Variants in CNOT6 observed in about 807,000 individuals in gnomAD.
The protein encoded by CNOT6 is CCR4-NOT transcription complex subunit 6.
Under a neutral mutation model 61.2 loss-of-function variants are expected in CNOT6, and 12 were observed. The observed-to-expected ratio is 0.20, with a 90% CI of 0.13 to 0.32. CNOT6 has a LOEUF of 0.32. Among genes scored for constraint, CNOT6 ranks in the 10% least tolerant of loss-of-function variants. The probability of loss-of-function intolerance (pLI) is 1.00; values close to 1 mark genes in which losing one functional copy is unlikely to be tolerated. For missense variants in CNOT6, 405 were observed against 663.9 expected, an observed-to-expected ratio of 0.61 and a Z score of 4.28; for synonymous variants, 225 against 240.6, an observed-to-expected ratio of 0.94 and a Z score of 0.60.
intron 1 of CNOT6, among the ~76,000 whole-genome samples, chr5:180,516,783 T>C (rs1757656278): frequency 6.6e-6 from 1 of 152,232 alleles, no homozygotes; most frequent in Admixed American, 6.5e-5. Context: ...TCTCTTCAAA[T>C]CTAGAATAGT....
At chr5:180,522,292 T>A (rs1242335374) in intron 1 of CNOT6, among the ~76,000 whole-genome samples, 1 of 152,056 alleles carries the variant, frequency 6.6e-6, no homozygotes, top group Non-Finnish European at 1.5e-5. Context: ...TGTATTTTTT[T>A]TTTGTAGAGA....
intron 9 of CNOT6, among the ~76,000 whole-genome samples, chr5:180,568,808 C>T (rs1010016780): frequency 1.3e-5 from 2 of 152,032 alleles, no homozygotes; most frequent in Non-Finnish European, 2.9e-5. Flanking sequence ...TTGTGAGGCT[C>T]GATTTAGGAC....
intron 1 of CNOT6, among the ~76,000 whole-genome samples, chr5:180,507,592 G>C (rs1581471481): frequency 6.7e-6 from 1 of 148,672 alleles, no homozygotes; most frequent in South Asian, 2.2e-4. Flanking sequence ...ACAAGAGCGA[G>C]ACTCCGTTTT....
At chr5:180,572,357 T>C (rs781590211) in intron 11 of CNOT6, among the ~76,000 whole-genome samples, 33 of 151,722 alleles carry the variant, frequency 2.2e-4, no homozygotes, top group Non-Finnish European at 4.3e-4. Context: ...ACCTGGCTAA[T>C]TTTTGTATCT....
intron 2 of CNOT6, among the ~76,000 whole-genome samples, chr5:180,539,790 C>T (rs888348489): frequency 1.3e-5 from 2 of 151,732 alleles, no homozygotes; most frequent in African/African-American, 4.8e-5. Flanking sequence ...AGGGCTTCAC[C>T]GTGTTAGCCA....
intron 2 of CNOT6, among the ~76,000 whole-genome samples, chr5:180,540,207 C>G (rs1386361210): frequency 6.6e-6 from 1 of 152,166 alleles, no homozygotes; most frequent in East Asian, 1.9e-4. Flanking sequence ...ACACCCTGTA[C>G]TCACTTGTCA....
At chr5:180,547,977 G>C (rs1759401046) in intron 2 of CNOT6, among the ~76,000 whole-genome samples, 1 of 152,102 alleles carries the variant, frequency 6.6e-6, no homozygotes, top group Admixed American at 6.5e-5. Flanking sequence ...CAGGTGATCT[G>C]CCCGCCTCAG....
chr5:180,509,500 A>G (rs1052242281), intron 1 of CNOT6, among the ~76,000 whole-genome samples: 9 of 151,250 alleles, frequency 6.0e-5, no homozygotes, highest in Non-Finnish European at 1.0e-4. Flanking sequence ...CTAGAGTGCA[A>G]TGGCGGATTC....
At chr5:180,571,531 T>C (rs1217697340) in intron 11 of CNOT6, 99 bp downstream of exon 11, 1 of 853,820 alleles carries the variant, frequency 1.2e-6, no homozygotes, top group East Asian at 2.5e-5. Flanking sequence ...GTGTTCAGGC[T>C]GGAATGAAGC....
intron 1 of CNOT6, among the ~76,000 whole-genome samples, chr5:180,510,951 C>T (rs947859235): frequency 6.6e-6 from 1 of 152,032 alleles, no homozygotes; most frequent in African/African-American, 2.4e-5. Flanking sequence ...ACTACAGGCA[C>T]CTGCCACCAT....
chr5:180,527,587 C>A (rs1581502117), intron 1 of CNOT6, among the ~76,000 whole-genome samples: 1 of 152,138 alleles, frequency 6.6e-6, no homozygotes, highest in East Asian at 1.9e-4. Context: ...AGTATCAGAT[C>A]TAGAGAGGCT....
intron 2 of CNOT6, among the ~76,000 whole-genome samples, chr5:180,538,713 T>TATATATATATATACATATATATAC (rs1345549867): frequency 6.9e-6 from 1 of 144,898 alleles, no homozygotes; most frequent in African/African-American, 2.6e-5. Flanking sequence ...TATATATATA[T>TATATATATATATACATATATATAC]ATACAAAAAA....
intron 2 of CNOT6, among the ~76,000 whole-genome samples, chr5:180,549,326 T>C (rs995557043): frequency 3.9e-5 from 6 of 152,206 alleles, no homozygotes; most frequent in Non-Finnish European, 7.3e-5. Context: ...AAATTAATCA[T>C]ATTTCCCTCT....
At chr5:180,512,532 A>G (rs1002587453) in intron 1 of CNOT6, among the ~76,000 whole-genome samples, 1 of 152,258 alleles carries the variant, frequency 6.6e-6, no homozygotes, top group Admixed American at 6.5e-5. Flanking sequence ...TAGAATCATC[A>G]TTTTAAGTGG....
chr5:180,516,389 C>G (rs936187531), intron 1 of CNOT6, among the ~76,000 whole-genome samples: 2 of 151,982 alleles, frequency 1.3e-5, no homozygotes, highest in Non-Finnish European at 2.9e-5. Flanking sequence ...CATGTGTTGG[C>G]CAGGATGGTC....
chr5:180,508,818 TTTA>T (rs112012463), intron 1 of CNOT6, among the ~76,000 whole-genome samples: 80 of 138,496 alleles, frequency 5.8e-4, no homozygotes, highest in African/African-American at 2.0e-3. Context: ...ATTAATTAAT[TTTA>T]TTATTATTAT....
At chr5:180,549,015 T>TA (rs1759454108) in intron 2 of CNOT6, among the ~76,000 whole-genome samples, 1 of 152,214 alleles carries the variant, frequency 6.6e-6, no homozygotes, top group African/African-American at 2.4e-5. Flanking sequence ...CACTGAATCT[T>TA]ATGCCTACTA....
At chr5:180,565,727 C>A in intron 6 of CNOT6, 93 bp from the exon 7 acceptor site, 1 of 1,223,666 alleles carries the variant, frequency 8.2e-7, no homozygotes, top group Non-Finnish European at 1.1e-6. Context: ...TGAATACGGT[C>A]AAACTTAACA....
At chr5:180,527,953 C>G (rs969270363) in intron 1 of CNOT6, among the ~76,000 whole-genome samples, 27 of 152,166 alleles carry the variant, frequency 1.8e-4, no homozygotes, top group African/African-American at 5.3e-4. Flanking sequence ...ATGATGCGAT[C>G]TAACTAATGC....
Sources: allele counts gnomAD v4.1 joint callset (sites outside exome capture counted in the v4.1 genomes callset), GRCh38; gene constraint gnomAD v4.1.1; transcripts MANE v1.5; gene names NCBI Gene and HGNC (gene_info 2026-07-23, HGNC 2026-07-21).